Variants in MCM3AP observed in about 807,000 individuals in gnomAD.
MCM3AP encodes germinal-center associated nuclear protein.
In MCM3AP, 126 loss-of-function variants were observed where a neutral mutation model predicts 184.1. That is an observed-to-expected ratio of 0.68 (90% CI 0.59 to 0.79). The LOEUF is 0.79. Ranked by LOEUF, MCM3AP falls within the 30% of genes least tolerant of loss-of-function variation. The pLI is 0.00. For missense variants in MCM3AP, 2,496 were observed against 2,479.2 expected, an observed-to-expected ratio of 1.01 and a Z score of -0.14; for synonymous variants, 1,002 against 979.3, an observed-to-expected ratio of 1.02 and a Z score of -0.43.
At position 46,284,289 on chromosome 21, in the gene MCM3AP, C is replaced by G; in HGVS notation, c.998G>C (p.Arg333Pro). 1.2e-6 allele frequency: 2 copies of G among 1,614,200 alleles called. No individual in the cohort carries two copies. Among genetic ancestry groups the G allele is most frequent in the South Asian group, 1.1e-5 (1 of 91,090 alleles). The change falls in exon 1 of 28, where the codon CGG (arginine) becomes CCG (proline). Residue 333 changes from arginine (R) to proline (P), a missense_variant. By Grantham distance (103) the Arg-to-Pro change is moderately radical. This residue lies in a region of MCM3AP where 800 missense variants were observed against 717.1 expected (regional missense o/e 1.12). Transcript: ENST00000291688. ...DKRPVRLNRP[R>P]GGTLFGRTIQ... Reference sequence around the variant, plus strand: ...CGTCCGACCAAATAAAGTACCTCCCCGGGGTCGATTCAGGCGGACAGGTCG... The same window carrying G: ...CGTCCGACCAAATAAAGTACCTCCCGGGGGTCGATTCAGGCGGACAGGTCG...
At position 46,242,755 on chromosome 21, in the gene MCM3AP, A is replaced by G. The variant is rs1244727015; in HGVS notation, c.5426+47T>C. ...TTAATTTCTATTTACTTTGCAAGAAAAATACAGTTTAGCAAGCAACAGAAA... is the reference window on the plus strand; with the variant it reads ...TTAATTTCTATTTACTTTGCAAGAAGAATACAGTTTAGCAAGCAACAGAAA... On this transcript the variant is annotated intron_variant, in intron 25 of 27. Coordinates refer to ENST00000291688, the MANE Select transcript of MCM3AP (RefSeq NM_003906.5). 4.5e-6 allele frequency: 7 copies of G among 1,565,096 alleles called. No individual in the cohort carries two copies. In the Admixed American group the frequency reaches 1.4e-4, roughly 32 times the overall value.
chr21:46,241,744 C>T (rs968870345), intron 25 of MCM3AP: 1 of 152,198 alleles, frequency 6.6e-6, no homozygotes, highest in African/African-American at 2.4e-5. Context: ...TGTATCCTGT[C>T]AACAACCTAG....
At chr21:46,253,762 G>T (rs1246191003) in intron 19 of MCM3AP, 1 of 153,148 alleles carries the variant, frequency 6.5e-6, no homozygotes. Context: ...CTGTTCTCAT[G>T]ATAGTGAGCT....
intron 27 of MCM3AP, among the ~76,000 whole-genome samples, chr21:46,236,547 C>T (rs17176988): frequency 0.043 from 6,608 of 152,282 alleles, 207 homozygotes; most frequent in Non-Finnish European, 0.064. Context: ...GCTGTCATCA[C>T]CTTAATGCCC....
chr21:46,254,664 T>A (rs2080921123), intron 18 of MCM3AP, 112 bp downstream of exon 18: 1 of 1,420,292 alleles, frequency 7.0e-7, no homozygotes, highest in South Asian at 1.2e-5. Flanking sequence ...AAACCAAGTC[T>A]GGAGCTCATC....
chr21:46,272,801 G>T lies in MCM3AP; in HGVS notation c.2225C>A (p.Pro742His), dbSNP rs755968609. ...CTTCTCAATCAGGGACACCGTCAGG[G>T]GGTCACAGAGGTGCTGCTGCGTGAT... Reference protein sequence around the residue: ...KDITQQHLCDPLTVSLIEKCT... With the variant: ...KDITQQHLCDHLTVSLIEKCT... Residue 742 changes from proline (P) to histidine (H), a missense_variant, in exon 8 of 28, where the codon CCC becomes CAC. Physicochemically the swap from Pro to His is moderately conservative, Grantham distance 77 (BLOSUM62 -2). Coordinates refer to ENST00000291688, the MANE Select transcript of MCM3AP (RefSeq NM_003906.5). The T allele has an allele frequency of 6.2e-7, 1 of 1,604,606 alleles. No individual in the cohort carries two copies. Among genetic ancestry groups the T allele is most frequent in the Non-Finnish European group, 8.5e-7 (1 of 1,174,220 alleles).
intron 4 of MCM3AP, 121 bp from the exon 5 acceptor site, chr21:46,277,838 A>G: frequency 1.9e-6 from 1 of 526,882 alleles, no homozygotes; most frequent in Non-Finnish European, 3.3e-6. Context: ...GAGAAACTAC[A>G]AGCACTGAAA....
chr21:46,285,305 GA>G lies in MCM3AP; in HGVS notation c.-20del, dbSNP rs1280795162. The G allele has an allele frequency of 6.4e-7, 1 of 1,555,474 alleles. No individual in the cohort carries two copies. The highest frequency in any genetic ancestry group is 1.7e-5 in the Admixed American group (1 of 58,908). ...GGTTCATCTTCTGCTCCAATTATTAGAAGGTAATTAAGTATTATGTGTACAA... is the reference window on the plus strand; with the variant it reads ...GGTTCATCTTCTGCTCCAATTATTAGAGGTAATTAAGTATTATGTGTACAA... On this transcript the variant is annotated 5_prime_UTR_variant, in exon 1 of 28. The change creates a premature stop within an existing upstream ORF in the 5' untranslated region. Transcript: ENST00000291688.
chr21:46,259,027 A>G lies in MCM3AP; in HGVS notation c.3646T>C (p.Leu1216=). 6.2e-7 allele frequency: 1 copy of G among 1,614,134 alleles called. No homozygotes were observed. Among genetic ancestry groups the G allele is most frequent in the Non-Finnish European group, 8.5e-7 (1 of 1,180,006 alleles). The change falls in exon 16 of 28, where the codon TTA becomes CTA. Residue 1216 remains leucine, a synonymous_variant. Transcript: ENST00000291688. ...TCCTCCACGAGAAACAAGTCCACTA[A>G]GTGGGCACAGACATCCTCACAGCAA... The part of the protein sequence containing the change: ...ARCCEDVCAH[L]VDLFLVEEIF...
rs1246912792 is a variant in MCM3AP, at chr21:46,256,773, G to A, written c.3932+16C>T. 9 of 1,542,162 alleles carry A rather than the reference G, an allele frequency of 5.8e-6. No homozygotes were observed. Among genetic ancestry groups the A allele is most frequent in the African/African-American group, 1.4e-5 (1 of 73,070 alleles). On this transcript the variant is annotated intron_variant, in intron 17 of 27. Coordinates refer to ENST00000291688, the MANE Select transcript of MCM3AP (RefSeq NM_003906.5). ...GCAGGGGAGCCCTGACGAGGCAGGCGACAGCTGATGCTGACCTGGTGCAGG... is the reference window on the plus strand; with the variant it reads ...GCAGGGGAGCCCTGACGAGGCAGGCAACAGCTGATGCTGACCTGGTGCAGG...
intron 6 of MCM3AP, among the ~76,000 whole-genome samples, chr21:46,274,559 A>C (rs2081230954): frequency 6.6e-6 from 1 of 152,224 alleles, no homozygotes; most frequent in Admixed American, 6.5e-5. Flanking sequence ...TAAGTGGAAA[A>C]GATACACATA....
At chr21:46,258,821 A>C in intron 16 of MCM3AP, 118 bp downstream of exon 16, 1 of 1,099,704 alleles carries the variant, frequency 9.1e-7, no homozygotes, top group Non-Finnish European at 1.4e-6. Context: ...CATTGCTATA[A>C]CATTTTCCCT....
At chr21:46,251,881 C>CTTTTTTTTTTTTTTT (rs754670172) in intron 19 of MCM3AP, 199 bp from the exon 20 acceptor site, 1 of 125,224 alleles carries the variant, frequency 8.0e-6, no homozygotes, top group Non-Finnish European at 1.5e-5. Flanking sequence ...TGTACTCGTT[C>CTTTTTTTTTTTTTTT]TTTTTTTTTT....
chr21:46,273,098 T>C, intron 7 of MCM3AP, among the ~76,000 whole-genome samples: 1 of 151,854 alleles, frequency 6.6e-6, no homozygotes, highest in East Asian at 1.9e-4. Context: ...CTTCAGCCGC[T>C]CGAGTAGCTG....
chr21:46,241,273 G>A, intron 25 of MCM3AP: 1 of 400,978 alleles, frequency 2.5e-6, no homozygotes, highest in South Asian at 3.7e-5. Context: ...GAGACTGCCT[G>A]TTCCTCTTGG....
intron 16 of MCM3AP, among the ~76,000 whole-genome samples, chr21:46,257,930 A>AG (rs1489271800): frequency 6.6e-6 from 1 of 151,484 alleles, no homozygotes; most frequent in Non-Finnish European, 1.5e-5. Flanking sequence ...ATCTCAAAAA[A>AG]AAAAAAAAAA....
intron 7 of MCM3AP, 139 bp from the exon 8 acceptor site, chr21:46,272,968 T>C: frequency 1.2e-6 from 1 of 835,900 alleles, no homozygotes; most frequent in Non-Finnish European, 1.8e-6. Context: ...TAGGACTTTG[T>C]AGTGACTTAA....
Position 46,261,388 on chromosome 21 carries a change from TCCTC to T in MCM3AP, c.3355_3358del (p.Glu1119IlefsTer3). The T allele has an allele frequency of 6.2e-7, 1 of 1,613,986 alleles. No homozygotes were observed. Among genetic ancestry groups the T allele is most frequent in the Non-Finnish European group, 8.5e-7 (1 of 1,180,006 alleles). On this transcript the variant is annotated frameshift_variant, in exon 14 of 28. Transcript: ENST00000291688. LOFTEE classifies it high-confidence loss of function. ...GCCCGTGGTTGCAGCTGTTAACAAA[TCCTC>T]CATAGCAGCATTAGAAACACTAAAC...
At position 46,235,196 on chromosome 21, in the gene MCM3AP, CTGAGAATAACATTA is replaced by C; in HGVS notation, c.*58_*71del. 6.8e-7 allele frequency: 1 copy of C among 1,477,938 alleles called. No individual in the cohort carries two copies. Among genetic ancestry groups the C allele is most frequent in the Non-Finnish European group, 9.4e-7 (1 of 1,067,296 alleles). 91.6% of individuals were successfully genotyped at this position (1,477,938 alleles called of 1,614,324 possible). ...ACATTTCCAACAGTGCATCAAGCAT[CTGAGAATAACATTA>C]TTTTGAGTAAAAACAGAAACTCTTC... On this transcript the variant is annotated 3_prime_UTR_variant, in exon 28 of 28. Coordinates refer to ENST00000291688, the MANE Select transcript of MCM3AP (RefSeq NM_003906.5).
Sources: gnomAD v4.1 joint callset for allele counts (sites outside exome capture counted in the v4.1 genomes callset) on GRCh38, gnomAD v4.1.1 for gene constraint, gnomAD v4.1.1 regional missense constraint, MANE v1.5 for transcripts, NCBI Gene and HGNC (gene_info 2026-07-23, HGNC 2026-07-21) for gene names.